The following PELP1 variants were observed in gnomAD, a reference collection of about 807,000 sequenced individuals.
PELP1 encodes the protein proline, glutamate and leucine rich protein 1, also known as proline-, glutamic acid- and leucine-rich protein 1.
In PELP1, 32 loss-of-function variants were observed where a neutral mutation model predicts 95.5. The ratio of observed to expected loss-of-function variants is 0.34; its 90% CI spans 0.25 to 0.45. The LOEUF (loss-of-function observed/expected upper bound fraction) is 0.45. Ranked by LOEUF, PELP1 falls within the 20% of genes least tolerant of loss-of-function variation. The pLI, the probability that PELP1 is intolerant of heterozygous loss-of-function variation, is 1.00. For synonymous variants in PELP1, 668 were observed against 600.1 expected (o/e 1.11, Z -1.65); for missense variants, 1,358 against 1,444.8 (o/e 0.94, Z 0.97).
At position 4,672,285 on chromosome 17, in the gene PELP1, TTCC is replaced by T. The variant is rs770633489; in HGVS notation, c.2703_2705del (p.Glu908del). The T allele has an allele frequency of 3.3e-4, 507 of 1,551,946 alleles. No homozygotes were observed. The highest frequency in any genetic ancestry group is 2.2e-3 in the African/African-American group (162 of 73,128). ...CAAAGTCTTCCTCCTCTTCCTCTTC[TTCC>T]TCTTCTTCTTCTTCCTCTTCTTCCT... On this transcript the variant is annotated inframe_deletion, in exon 16 of 17. Coordinates refer to ENST00000572293, the MANE Select transcript of PELP1 (RefSeq NM_014389.3).
chr17:4,695,847 C>T (rs1470074689), intron 1 of PELP1, among the ~76,000 whole-genome samples: 13 of 150,294 alleles, frequency 8.6e-5, no homozygotes, highest in African/African-American at 2.2e-4. Context: ...ATTAGCCAGA[C>T]GTGGTGGTGT....
At position 4,676,511 on chromosome 17, in the gene PELP1, C is replaced by T. The variant is rs201251435; in HGVS notation, c.703-4G>A. On this transcript the variant is annotated splice_polypyrimidine_tract_variant and splice_region_variant and intron_variant, in intron 6 of 16. Coordinates refer to ENST00000572293, the MANE Select transcript of PELP1 (RefSeq NM_014389.3). ...GGGAATAACACTCACAGGCCAACTG[C>T]GGGAGAAAGGACAGAAACCTGGTCA... The T allele has an allele frequency of 1.4e-5, 22 of 1,613,112 alleles. No homozygotes were observed. The highest frequency in any genetic ancestry group is 8.3e-5 in the Admixed American group (5 of 59,916).
rs1912150102 is a variant in PELP1, at chr17:4,670,383, A to C, written c.*1056T>G. ...CAGACACATCTCTCGGTTCATCCTC[A>C]CACGTCCATCCCAGCAAGGCCTAGA... is the stretch of plus-strand genomic sequence containing the variant. On this transcript the variant is annotated 3_prime_UTR_variant, in exon 17 of 17. Transcript: ENST00000572293. The C allele has an allele frequency of 6.6e-6, 1 of 152,206 alleles. No individual in the cohort carries two copies. Among genetic ancestry groups the C allele is most frequent in the Non-Finnish European group, 1.5e-5 (1 of 68,032 alleles). The allele number at this position is 152,206 out of a possible 1,614,324, so 9.4% of individuals were successfully genotyped here.
chr17:4,684,132 G>A (rs964075478), intron 3 of PELP1, among the ~76,000 whole-genome samples: 1 of 151,950 alleles, frequency 6.6e-6, no homozygotes, highest in African/African-American at 2.4e-5. Context: ...ATGTATCTAA[G>A]GAAAAACATC....
chr17:4,683,441 C>A (rs538821792), intron 3 of PELP1, among the ~76,000 whole-genome samples: 1 of 150,268 alleles, frequency 6.7e-6, no homozygotes, highest in African/African-American at 2.4e-5. Flanking sequence ...AGGATGGTCT[C>A]GATCTCCGAC....
In PELP1 at chr17:4,671,435, A is replaced by G; in HGVS notation, c.*4T>C. 2 of 1,369,174 alleles carry G rather than the reference A, an allele frequency of 1.5e-6. No homozygotes were observed. Among genetic ancestry groups the G allele is most frequent in the Non-Finnish European group, 2.1e-6 (2 of 956,220 alleles). The allele number at this position is 1,369,174 out of a possible 1,614,324, so 84.8% of individuals were successfully genotyped here. A position where few individuals can be genotyped will look rare whatever the true frequency, so the allele number is the denominator to read the frequency against. ...GGAAACAAAGAGTGGGGTGCAGAAGATGGCTAGGAGTCAGGCTCTGTGGGA... is the reference window on the plus strand; with the variant it reads ...GGAAACAAAGAGTGGGGTGCAGAAGGTGGCTAGGAGTCAGGCTCTGTGGGA... On this transcript the variant is annotated 3_prime_UTR_variant, in exon 17 of 17. Transcript: ENST00000572293.
At chr17:4,676,855 T>G (rs1322221478) in intron 5 of PELP1, 43 bp from the exon 6 acceptor site, 44 of 1,451,220 alleles carry the variant, frequency 3.0e-5, no homozygotes, top group Non-Finnish European at 4.0e-5. Flanking sequence ...GAGCCAGCTC[T>G]GAGAGCCAGA....
chr17:4,680,155 A>C (rs1402133305), intron 5 of PELP1, among the ~76,000 whole-genome samples: 1 of 152,248 alleles, frequency 6.6e-6, no homozygotes, highest in Non-Finnish European at 1.5e-5. Flanking sequence ...CAATGATAAA[A>C]TGACACAACA....
At chr17:4,681,663 A>G (rs757873096) in intron 5 of PELP1, among the ~76,000 whole-genome samples, 16 of 151,814 alleles carry the variant, frequency 1.1e-4, no homozygotes, top group Non-Finnish European at 1.5e-4. Flanking sequence ...AGCTGGGCGT[A>G]GTGGTATGCA....
chr17:4,691,190 A>ATTC (rs1913084694), intron 2 of PELP1, 188 bp downstream of exon 2: 2 of 640,036 alleles, frequency 3.1e-6, no homozygotes, highest in African/African-American at 3.7e-5. Flanking sequence ...GTGGAATAGG[A>ATTC]CATCTGGGAG....
rs752584686 is a variant in PELP1 at position 4,673,713 on chromosome 17, A to G, written c.1583-39T>C. On this transcript the variant is annotated intron_variant, in intron 13 of 16. Transcript: ENST00000572293. This position sits in a 1 kb window ranked among gnomAD's most constrained non-coding sequence, Gnocchi z 5.7. Reference sequence around the variant, plus strand: ...ATGGTGTGTAAAGGGTAGGCTCCCAACAGACTGACGGCAAGGGCTTCTGAA... The same window carrying G: ...ATGGTGTGTAAAGGGTAGGCTCCCAGCAGACTGACGGCAAGGGCTTCTGAA... 5.1e-6 allele frequency: 8 copies of G among 1,580,658 alleles called. No individual in the cohort carries two copies. In the South Asian group the frequency reaches 6.6e-5, roughly 13 times the overall value.
At chr17:4,680,927 T>G (rs1871966629) in intron 5 of PELP1, among the ~76,000 whole-genome samples, 1 of 152,238 alleles carries the variant, frequency 6.6e-6, no homozygotes, top group East Asian at 1.9e-4. Context: ...TGTTTGTTAT[T>G]GTATCTCCCT....
rs9892582 is a variant in PELP1, at chr17:4,683,422, A to T, written c.421-470T>A. Among the ~76,000 whole-genome samples, 447 of 150,938 alleles carry T rather than the reference A, an allele frequency of 3.0e-3. 1 individual carries two copies. The highest frequency in any genetic ancestry group is 9.4e-3 in the African/African-American group (386 of 41,122). On this transcript the variant is annotated intron_variant, in intron 3 of 16. Coordinates refer to ENST00000572293, the MANE Select transcript of PELP1 (RefSeq NM_014389.3). ...TTTTTAGTAGAGACGGGGTTTCACT[A>T]TGTTAGCCAGGATGGTCTCGATCTC... is the stretch of plus-strand genomic sequence containing the variant.
In PELP1 at chr17:4,671,520, G is replaced by C. The variant is rs1412520004; in HGVS notation, c.3312C>G (p.Asp1104Glu). ...AEALQEKEQD[D>E]TAAMLADFID... ...TGAAGTCGGCCAGCATGGCAGCTGT[G>C]TCATCCTGCTCCTTTTAGGCACAAA... The change falls in exon 17 of 17, where the codon GAC becomes GAG. Residue 1104 changes from aspartate (D) to glutamate (E), a missense_variant. Physicochemically the swap from Asp to Glu is conservative, Grantham distance 45. Coordinates refer to ENST00000572293, the MANE Select transcript of PELP1 (RefSeq NM_014389.3). The C allele has an allele frequency of 1.2e-6, 2 of 1,613,838 alleles. No homozygotes were observed. The highest frequency in any genetic ancestry group is 1.7e-6 in the Non-Finnish European group (2 of 1,179,798).
At chr17:4,699,297 G>A (rs904258618) in intron 1 of PELP1, among the ~76,000 whole-genome samples, 7 of 151,946 alleles carry the variant, frequency 4.6e-5, no homozygotes, top group Admixed American at 1.3e-4. Flanking sequence ...GGAGAATGAC[G>A]TGAACCCGGG....
intron 7 of PELP1, 95 bp downstream of exon 7, chr17:4,676,262 A>G: frequency 6.3e-7 from 1 of 1,578,216 alleles, no homozygotes; most frequent in African/African-American, 1.4e-5. Flanking sequence ...ATTTTCCCCA[A>G]AAACCAACTG....
chr17:4,671,717 T>C lies in PELP1; in HGVS notation c.3274A>G (p.Thr1092Ala). Reference sequence around the variant, plus strand: ...TTTTCCTGGAGAGCTTCGGCCTCTGTCTCTGTCTCCATCTCTTCTTCTGCA... The same window carrying C: ...TTTTCCTGGAGAGCTTCGGCCTCTGCCTCTGTCTCCATCTCTTCTTCTGCA... Reference protein sequence around the residue: ...TPAEEEMETETEAEALQEKEQ... With the variant: ...TPAEEEMETEAEAEALQEKEQ... The change falls in exon 16 of 17, where the codon ACA becomes GCA. Residue 1092 changes from threonine to alanine, a missense_variant. By Grantham distance (58) the Thr-to-Ala change is moderately conservative. Around this residue, in one of 7 missense-constraint regions of PELP1, gnomAD observed 283 missense variants for 284.1 expected, o/e 1.00. Coordinates refer to ENST00000572293, the MANE Select transcript of PELP1 (RefSeq NM_014389.3). 6.4e-7 allele frequency: 1 copy of C among 1,550,840 alleles called. No homozygotes were observed. Among genetic ancestry groups the C allele is most frequent in the Non-Finnish European group, 8.7e-7 (1 of 1,154,092 alleles).
intron 3 of PELP1, among the ~76,000 whole-genome samples, chr17:4,689,143 T>C (rs1567666260): frequency 6.6e-6 from 1 of 152,296 alleles, no homozygotes; most frequent in East Asian, 1.9e-4. Context: ...GCAAGCCACA[T>C]GTAGAAGAAT....
At chr17:4,689,980 C>T (rs1338669283) in intron 3 of PELP1, among the ~76,000 whole-genome samples, 8 of 151,994 alleles carry the variant, frequency 5.3e-5, no homozygotes, top group East Asian at 3.9e-4. Context: ...GAGCTGAGAG[C>T]GCGCCACTGC....
Sources: allele counts gnomAD v4.1 joint callset (sites outside exome capture counted in the v4.1 genomes callset), GRCh38; gene constraint gnomAD v4.1.1; regional missense constraint gnomAD v4.1.1; non-coding constraint Gnocchi (gnomAD v3.1); transcripts MANE v1.5; gene names NCBI Gene and HGNC (gene_info 2026-07-23, HGNC 2026-07-21).